ROBO2: variants seen among roughly 807,000 people sequenced by gnomAD.
ROBO2 encodes roundabout guidance receptor 2.
ROBO2 carries 53 observed loss-of-function variants against 160.8 expected under a neutral mutation model. The ratio of observed to expected loss-of-function variants is 0.33; its 90% CI spans 0.26 to 0.41. The LOEUF (loss-of-function observed/expected upper bound fraction) is 0.41, where lower values mean the gene tolerates loss of function less well. ROBO2 is among the 10% of genes least tolerant of loss of function. The pLI is 1.00. For missense variants in ROBO2, 1,577 were observed against 1,722.4 expected, an observed-to-expected ratio of 0.92 and a Z score of 1.49; for synonymous variants, 664 against 611.7, an observed-to-expected ratio of 1.09 and a Z score of -1.26.
intron 2 of ROBO2, among the ~76,000 whole-genome samples, chr3:76,244,590 T>C (rs1705503031): frequency 6.6e-6 from 1 of 152,200 alleles, no homozygotes; most frequent in Non-Finnish European, 1.5e-5. Context: ...AGACATATTC[T>C]TTCACAACTT....
At chr3:76,528,713 T>C (rs1447861307) in intron 2 of ROBO2, among the ~76,000 whole-genome samples, 2 of 151,974 alleles carry the variant, frequency 1.3e-5, no homozygotes, top group Non-Finnish European at 2.9e-5. Flanking sequence ...ATATAGATGG[T>C]ATTTAAATCT....
rs571790385 is a variant in ROBO2, at chr3:76,687,602, T to C, written c.110-410412T>C. ...TCAACAGCCCCTGGAGACATCCTTA[T>C]GTAACAGAACAGAACAACAATATGT... On this transcript the variant is annotated intron_variant, in intron 2 of 26. Transcript: ENST00000487694. Among the ~76,000 whole-genome samples, 17 of 152,096 alleles carry C rather than the reference T, an allele frequency of 1.1e-4. No homozygotes were observed. The South Asian group carries it at 3.3e-3, about 30-fold the overall frequency.
intron 2 of ROBO2, among the ~76,000 whole-genome samples, chr3:76,397,169 C>A (rs1013377065): frequency 1.3e-5 from 2 of 151,986 alleles, no homozygotes; most frequent in East Asian, 1.9e-4. Flanking sequence ...AAGTAACGCC[C>A]CATATCTACA....
At chr3:77,587,982 A>T (rs1476965321) in intron 16 of ROBO2, among the ~76,000 whole-genome samples, 1 of 152,068 alleles carries the variant, frequency 6.6e-6, no homozygotes, top group Non-Finnish European at 1.5e-5. Flanking sequence ...GAGAGGCCTA[A>T]ATTTTCCAAA....
rs141803408 is a variant in ROBO2, at chr3:77,381,790, C to T, written c.389-95624C>T. Reference sequence around the variant, plus strand: ...ATGTGAGCACTTGGTTGATTCTCCTCCTTTACTTTTGCTACTATTTTGTTT... The same window carrying T: ...ATGTGAGCACTTGGTTGATTCTCCTTCTTTACTTTTGCTACTATTTTGTTT... On this transcript the variant is annotated intron_variant, in intron 2 of 25. Transcript: ENST00000461745. Among the ~76,000 whole-genome samples, 145 of 152,314 alleles carry T rather than the reference C, an allele frequency of 9.5e-4. No individual in the cohort carries two copies. In the East Asian group the frequency reaches 0.02, roughly 21 times the overall value.
chr3:77,536,023 A>G (rs1404813538), intron 6 of ROBO2, among the ~76,000 whole-genome samples: 2 of 152,224 alleles, frequency 1.3e-5, no homozygotes, highest in Non-Finnish European at 2.9e-5. Flanking sequence ...ATATGATTAT[A>G]GGATTAGAGT....
At chr3:76,094,171 A>G (rs1281334711) in intron 2 of ROBO2, among the ~76,000 whole-genome samples, 2 of 152,042 alleles carry the variant, frequency 1.3e-5, no homozygotes, top group African/African-American at 4.8e-5. Context: ...CACACAATCT[A>G]AAGAAACAAA....
In ROBO2 at chr3:76,555,431, GGGAAGGGGAAGA is replaced by G. The variant is rs1364744291; in HGVS notation, c.110-542577_110-542566del. ...AAGAAGAAGAAGAAAGAAGGAGAAGGGGAAGGGGAAGAGGAAGAGGAAGAGGAAGAGGGAAAA... is the reference window on the plus strand; with the variant it reads ...AAGAAGAAGAAGAAAGAAGGAGAAGGGGAAGAGGAAGAGGAAGAGGGAAAA... On this transcript the variant is annotated intron_variant, in intron 2 of 26. Coordinates refer to the ROBO2 transcript ENST00000487694. 1.2e-3 allele frequency among the ~76,000 whole-genome samples: 74 copies of G among 63,904 alleles called. 1 individual carries two copies. Among genetic ancestry groups the G allele is most frequent in the Admixed American group, 9.4e-3 (44 of 4,704 alleles). The allele number at this position is 63,904 out of a possible 152,430, so 41.9% of individuals were successfully genotyped here. A position where few individuals can be genotyped will look rare whatever the true frequency, so the allele number is the denominator to read the frequency against.
chr3:76,259,493 C>T (rs956330518), intron 2 of ROBO2, among the ~76,000 whole-genome samples: 7 of 152,102 alleles, frequency 4.6e-5, no homozygotes, highest in Admixed American at 1.3e-4. Context: ...TATATAGATT[C>T]TCATGTGTCC....
intron 2 of ROBO2, among the ~76,000 whole-genome samples, chr3:77,452,229 A>C (rs905462115): frequency 2.0e-5 from 3 of 152,208 alleles, no homozygotes; most frequent in Non-Finnish European, 4.4e-5. Context: ...AATCATTTGC[A>C]AAGTATCATA....
intron 2 of ROBO2, among the ~76,000 whole-genome samples, chr3:77,123,347 A>G (rs1317359720): frequency 6.6e-6 from 1 of 152,178 alleles, no homozygotes; most frequent in Non-Finnish European, 1.5e-5. Context: ...TTTCCAGGAA[A>G]TCAAAAGTTT....
At chr3:77,553,755 G>C (rs1165481478) in intron 8 of ROBO2, among the ~76,000 whole-genome samples, 2 of 151,928 alleles carry the variant, frequency 1.3e-5, no homozygotes, top group Non-Finnish European at 2.9e-5. Flanking sequence ...TTCCTTGAAG[G>C]CTGAGAGAGG....
rs549133360 is a variant in ROBO2, at chr3:76,437,995, C to T, written c.109+500393C>T. 5.0e-4 allele frequency among the ~76,000 whole-genome samples: 76 copies of T among 152,214 alleles called. 1 individual carries two copies. The highest frequency in any genetic ancestry group is 1.0e-3 in the South Asian group (5 of 4,826). ...TCTTGAGTGAGCTGACTTCTCTCAA[C>T]GATGTAAGACCCATTGCAAAAGGTT... On this transcript the variant is annotated intron_variant, in intron 2 of 26. Transcript: ENST00000487694.
chr3:76,491,872 A>G (rs1434948883), intron 2 of ROBO2, among the ~76,000 whole-genome samples: 1 of 152,160 alleles, frequency 6.6e-6, no homozygotes, highest in Non-Finnish European at 1.5e-5. Context: ...AGGCAGAAGG[A>G]TCACCTGGGT....
chr3:76,368,259 TAGTC>T (rs1323082453), intron 2 of ROBO2, among the ~76,000 whole-genome samples: 2 of 151,974 alleles, frequency 1.3e-5, no homozygotes, highest in Non-Finnish European at 2.9e-5. Flanking sequence ...TGAAATAGAA[TAGTC>T]AGTATTTTTT....
At chr3:77,423,890 CAT>C (rs2077940233) in intron 2 of ROBO2, among the ~76,000 whole-genome samples, 1 of 152,096 alleles carries the variant, frequency 6.6e-6, no homozygotes, top group African/African-American at 2.4e-5. Flanking sequence ...AGCTTATTAA[CAT>C]GATTGGCATA....
intron 2 of ROBO2, among the ~76,000 whole-genome samples, chr3:76,525,391 T>C (rs1440889210): frequency 6.6e-6 from 1 of 151,914 alleles, no homozygotes; most frequent in African/African-American, 2.4e-5. Flanking sequence ...AAAAATCCCA[T>C]GATATAATTT....
At chr3:77,116,327 G>C (rs1383313676) in intron 2 of ROBO2, among the ~76,000 whole-genome samples, 1 of 152,158 alleles carries the variant, frequency 6.6e-6, no homozygotes, top group Non-Finnish European at 1.5e-5. Flanking sequence ...ATTAATGTTT[G>C]TATGGCATGG....
At chr3:76,646,615 C>T (rs1485186249) in intron 2 of ROBO2, among the ~76,000 whole-genome samples, 1 of 152,094 alleles carries the variant, frequency 6.6e-6, no homozygotes, top group East Asian at 1.9e-4. Context: ...CAATTCCTAA[C>T]ACAGAGTAAA....
Sources: allele counts gnomAD v4.1 joint callset (sites outside exome capture counted in the v4.1 genomes callset), GRCh38; gene constraint gnomAD v4.1.1; transcripts MANE v1.5; gene names NCBI Gene and HGNC (gene_info 2026-07-23, HGNC 2026-07-21).